ITSN1: variants seen among roughly 807,000 people sequenced by gnomAD.
The protein encoded by ITSN1 is intersectin-1.
Under a neutral mutation model 239.8 loss-of-function variants are expected in ITSN1, and 58 were observed. That is an observed-to-expected ratio of 0.24 (90% CI 0.20 to 0.30). The LOEUF is 0.30. Ranked by LOEUF, ITSN1 falls within the 10% of genes least tolerant of loss-of-function variation. The pLI, the probability that ITSN1 is intolerant of heterozygous loss-of-function variation, is 1.00. For missense variants in ITSN1, 1,558 were observed against 2,103.3 expected (o/e 0.74, Z 5.07); for synonymous variants, 780 against 770.8 (o/e 1.01, Z -0.20).
intron 29 of ITSN1, among the ~76,000 whole-genome samples, chr21:33,841,869 G>A (rs1366032727): frequency 6.6e-6 from 1 of 151,890 alleles, no homozygotes. Flanking sequence ...ATAGGGAGAC[G>A]TAGTGAAGTC....
chr21:33,753,761 T>TAAAAAAAAAAAAAA lies in ITSN1; in HGVS notation c.624-1521_624-1508dup, dbSNP rs760085854. ...TGGGTGACACGGCAAGTCTCTTTCT[T>TAAAAAAAAAAAAAA]AAAAAAAAAAAAAAAAAAAAAAAAA... On this transcript the variant is annotated intron_variant, in intron 7 of 39. Transcript: ENST00000381318. 4.9e-4 allele frequency among the ~76,000 whole-genome samples: 40 copies of TAAAAAAAAAAAAAA among 81,756 alleles called. 2 individuals are homozygous for TAAAAAAAAAAAAAA. Among genetic ancestry groups the TAAAAAAAAAAAAAA allele is most frequent in the African/African-American group, 2.2e-3 (39 of 17,568 alleles). 53.6% of individuals were successfully genotyped at this position (81,756 alleles called of 152,430 possible).
At chr21:33,681,345 A>G (rs1282660504) in intron 1 of ITSN1, among the ~76,000 whole-genome samples, 2 of 152,190 alleles carry the variant, frequency 1.3e-5, no homozygotes, top group Non-Finnish European at 2.9e-5. Context: ...TTACATCTTT[A>G]TTACCATTTT....
At chr21:33,731,777 G>A (rs1047218568) in intron 4 of ITSN1, among the ~76,000 whole-genome samples, 1 of 152,134 alleles carries the variant, frequency 6.6e-6, no homozygotes, top group African/African-American at 2.4e-5. Context: ...CTAATAAGTA[G>A]AAAGGAAACT....
At chr21:33,767,672 G>T in intron 10 of ITSN1, 41 bp from the exon 11 acceptor site, 1 of 1,166,784 alleles carries the variant, frequency 8.6e-7, no homozygotes, top group Non-Finnish European at 1.3e-6. Context: ...CACCCAGACA[G>T]CTCTGTGTGA....
rs375644912 is a variant in ITSN1, at chr21:33,865,126, G to A, written c.3891-25G>A. The A allele has an allele frequency of 1.5e-5, 24 of 1,598,252 alleles. No individual in the cohort carries two copies. In the African/African-American group the frequency reaches 3.2e-4, roughly 21 times the overall value. On this transcript the variant is annotated intron_variant, in intron 31 of 39. Coordinates refer to ENST00000381318, the MANE Select transcript of ITSN1 (RefSeq NM_003024.3). The surrounding 1 kb of genome is among the most constrained non-coding windows in gnomAD (Gnocchi z 4.4). The stretch of plus-strand genomic sequence containing the variant: ...CTGTCAGATAGCGTGAAAGCAGGGG[G>A]CTCACCTCCCGTGTTTCCGTGCAGA...
chr21:33,770,166 C>T (rs891493927), intron 11 of ITSN1, among the ~76,000 whole-genome samples: 8 of 152,004 alleles, frequency 5.3e-5, no homozygotes, highest in South Asian at 2.1e-4. Flanking sequence ...CGGGTTCAAG[C>T]GATTCTTCTG....
chr21:33,867,091 G>T lies in ITSN1; in HGVS notation c.4075-142G>T, dbSNP rs111879563. 7.1e-4 allele frequency: 443 copies of T among 621,274 alleles called. 1 individual carries two copies. In the African/African-American group the frequency reaches 7.3e-3, roughly 10 times the overall value. The allele number at this position is 621,274 out of a possible 1,614,324, so 38.5% of individuals were successfully genotyped here. On this transcript the variant is annotated intron_variant, in intron 32 of 39. Coordinates refer to ENST00000381318, the MANE Select transcript of ITSN1 (RefSeq NM_003024.3). ...TCATCCTGGACAGGGTAACTAGTCA[G>T]GCCCTTCCAACCCCAGGTCTCTCAG... is the stretch of plus-strand genomic sequence containing the variant.
At chr21:33,885,939 G>A (rs566548959) in intron 38 of ITSN1, among the ~76,000 whole-genome samples, 1 of 151,128 alleles carries the variant, frequency 6.6e-6, no homozygotes, top group South Asian at 2.1e-4. Context: ...GGGCATGGTG[G>A]CTCACACCTG....
chr21:33,722,577 T>G lies in ITSN1; in HGVS notation c.122-11T>G, dbSNP rs948188099. ...TTTTTTTTCCTGAAACTTTTTCTGT[T>G]TAATTTACAGGTGATCAAGCTAGAA... On this transcript the variant is annotated splice_polypyrimidine_tract_variant and intron_variant, in intron 3 of 39. Transcript: ENST00000381318. 2 of 1,558,962 alleles carry G rather than the reference T, an allele frequency of 1.3e-6. No homozygotes were observed. Among genetic ancestry groups the G allele is most frequent in the Non-Finnish European group, 1.7e-6 (2 of 1,162,706 alleles).
chr21:33,826,338 G>C (rs572058809), intron 25 of ITSN1, among the ~76,000 whole-genome samples: 2 of 152,328 alleles, frequency 1.3e-5, no homozygotes, highest in Non-Finnish European at 1.5e-5. Flanking sequence ...TTTTAAAAAA[G>C]AAAGCTCCTG....
In ITSN1 at chr21:33,893,344, C is replaced by A. The variant is rs1402054979; in HGVS notation, c.*5044C>A. The A allele has an allele frequency of 6.6e-6, 1 of 152,258 alleles. No individual in the cohort carries two copies. Among genetic ancestry groups the A allele is most frequent in the African/African-American group, 2.4e-5 (1 of 41,454 alleles). 9.4% of individuals were successfully genotyped at this position (152,258 alleles called of 1,614,324 possible). A position where few individuals can be genotyped will look rare whatever the true frequency, so the allele number is the denominator to read the frequency against. ...GTGGCTCACACCTGTAATCCCAACA[C>A]TTTGAGGGGCTGAGGCAGGTGGATC... is the stretch of plus-strand genomic sequence containing the variant. On this transcript the variant is annotated 3_prime_UTR_variant, in exon 40 of 40. Coordinates refer to ENST00000381318, the MANE Select transcript of ITSN1 (RefSeq NM_003024.3).
At chr21:33,686,048 T>G (rs2091219603) in intron 1 of ITSN1, among the ~76,000 whole-genome samples, 1 of 152,226 alleles carries the variant, frequency 6.6e-6, no homozygotes, top group Admixed American at 6.5e-5. Flanking sequence ...TTTGCTTTAT[T>G]ACAACTTAGA....
intron 29 of ITSN1, among the ~76,000 whole-genome samples, chr21:33,851,778 C>CTTTTTTTTTT (rs35567402): frequency 4.5e-5 from 3 of 66,204 alleles, no homozygotes; most frequent in Admixed American, 2.3e-4. Context: ...CTTTTCTTTC[C>CTTTTTTTTTT]TTTTTTTTTT....
chr21:33,682,187 T>C (rs1413106001), intron 1 of ITSN1, among the ~76,000 whole-genome samples: 3 of 151,890 alleles, frequency 2.0e-5, no homozygotes, highest in Non-Finnish European at 4.4e-5. Flanking sequence ...TTTTGTTATA[T>C]ATCCTCCTAT....
intron 5 of ITSN1, among the ~76,000 whole-genome samples, chr21:33,740,391 G>T (rs2066771206): frequency 6.6e-6 from 1 of 152,212 alleles, no homozygotes; most frequent in Admixed American, 6.5e-5. Flanking sequence ...GGAGAAGCCA[G>T]AAACTGAGGC....
intron 33 of ITSN1, among the ~76,000 whole-genome samples, chr21:33,870,949 A>C (rs1437814065): frequency 1.3e-5 from 2 of 152,168 alleles, no homozygotes; most frequent in African/African-American, 4.8e-5. Flanking sequence ...CAGGCTGTTT[A>C]CATCTGCGTA....
intron 34 of ITSN1, among the ~76,000 whole-genome samples, chr21:33,877,976 C>A (rs982841245): frequency 6.1e-5 from 9 of 148,760 alleles, no homozygotes; most frequent in Admixed American, 4.7e-4. Context: ...ACAGAAGTCT[C>A]TCTCTGTCTC....
chr21:33,711,678 G>A (rs2092422605), intron 1 of ITSN1, among the ~76,000 whole-genome samples: 1 of 150,754 alleles, frequency 6.6e-6, no homozygotes, highest in African/African-American at 2.4e-5. Flanking sequence ...GTGTGTGTGT[G>A]TGTGTGTGTG....
At chr21:33,861,659 C>T (rs1339203606) in intron 31 of ITSN1, among the ~76,000 whole-genome samples, 1 of 151,982 alleles carries the variant, frequency 6.6e-6, no homozygotes, top group Non-Finnish European at 1.5e-5. Context: ...GAAATGATGG[C>T]AGAAGGGCCG....
Sources: allele counts gnomAD v4.1 joint callset (sites outside exome capture counted in the v4.1 genomes callset), GRCh38; gene constraint gnomAD v4.1.1; non-coding constraint Gnocchi (gnomAD v3.1); transcripts MANE v1.5; gene names NCBI Gene and HGNC (gene_info 2026-07-23, HGNC 2026-07-21).